The following FBLN1 variants were observed in gnomAD, a reference collection of about 807,000 sequenced individuals.
FBLN1 encodes the protein fibulin-1.
A neutral mutation model predicts 89.7 loss-of-function variants in FBLN1; 34 were observed. That is an observed-to-expected ratio of 0.38 (90% CI 0.29 to 0.50). The LOEUF (loss-of-function observed/expected upper bound fraction) is 0.50, where lower values mean the gene tolerates loss of function less well. FBLN1 is among the 20% of genes least tolerant of loss of function. The pLI, the probability that FBLN1 is intolerant of heterozygous loss-of-function variation, is 0.92. For synonymous variants in FBLN1, 393 were observed against 391.3 expected, an observed-to-expected ratio of 1.00 and a Z score of -0.05; for missense variants, 777 against 988.1, an observed-to-expected ratio of 0.79 and a Z score of 2.86.
intron 16 of FBLN1, among the ~76,000 whole-genome samples, chr22:45,589,961 G>C (rs1393300315): frequency 4.6e-5 from 7 of 152,198 alleles, no homozygotes; most frequent in Admixed American, 3.9e-4. Flanking sequence ...TTTCTCCGAA[G>C]CTCTCCCAAA....
intron 16 of FBLN1, among the ~76,000 whole-genome samples, chr22:45,593,715 G>A (rs1337175428): frequency 1.3e-5 from 2 of 152,194 alleles, no homozygotes; most frequent in Non-Finnish European, 2.9e-5. Flanking sequence ...GGAGCCTTCA[G>A]TGGCTCCCCT....
chr22:45,563,319 C>G lies in FBLN1; in HGVS notation c.1698-11192C>G. The G allele has an allele frequency of 6.2e-7, 1 of 1,611,426 alleles. No homozygotes were observed. The highest frequency in any genetic ancestry group is 8.5e-7 in the Non-Finnish European group (1 of 1,179,828). On this transcript the variant is annotated intron_variant, in intron 14 of 16. Coordinates refer to ENST00000327858, the MANE Select transcript of FBLN1 (RefSeq NM_006486.3). The surrounding 1 kb of genome is among the most constrained non-coding windows in gnomAD (Gnocchi z 5.7). ...CTCCTGTTGCTTTCCTAACCCTGCC[C>G]TCCGGGGCGTTAATAAAGTCTTAGC...
At chr22:45,555,105 G>A (rs8135295) in intron 14 of FBLN1, among the ~76,000 whole-genome samples, 64,336 of 124,746 alleles carry the variant, frequency 0.52, 17,880 homozygotes, top group Middle Eastern at 0.63. Flanking sequence ...GCAGGAGGTT[G>A]GGACCCGTCC....
Position 45,583,163 on chromosome 22 carries a change from C to A in FBLN1, c.1972+6055C>A, listed in dbSNP as rs1192126300. ...TGCTGGCCCAGGGTCCCACAGCCAGCAAGTTGGAGCTGCACTGCCCAAGCA... is the reference window on the plus strand; with the variant it reads ...TGCTGGCCCAGGGTCCCACAGCCAGAAAGTTGGAGCTGCACTGCCCAAGCA... On this transcript the variant is annotated intron_variant, in intron 16 of 16. Transcript: ENST00000327858. This position sits in a 1 kb window ranked among gnomAD's most constrained non-coding sequence, Gnocchi z 4.5. Among the ~76,000 whole-genome samples the A allele has an allele frequency of 6.6e-6, 1 of 152,202 alleles. No homozygotes were observed. Among genetic ancestry groups the A allele is most frequent in the Non-Finnish European group, 1.5e-5 (1 of 68,032 alleles).
intron 1 of FBLN1, among the ~76,000 whole-genome samples, chr22:45,517,897 A>G (rs1249308708): frequency 3.3e-5 from 5 of 152,260 alleles, no homozygotes; most frequent in African/African-American, 9.6e-5. Context: ...TTGGGAGGCC[A>G]TGGCTGGCCA....
chr22:45,562,478 G>A lies in FBLN1; in HGVS notation c.1697+11863G>A, dbSNP rs991254768. On this transcript the variant is annotated intron_variant, in intron 14 of 16. Coordinates refer to ENST00000327858, the MANE Select transcript of FBLN1 (RefSeq NM_006486.3). This position sits in a 1 kb window ranked among gnomAD's most constrained non-coding sequence, Gnocchi z 7.8. ...AGGAAGAGCTGAGCACTTGGTAAAC[G>A]GCAGCAGCTCTGATTGCTAGTGGCA... 1.3e-5 allele frequency among the ~76,000 whole-genome samples: 2 copies of A among 152,200 alleles called. No homozygotes were observed. Among genetic ancestry groups the A allele is most frequent in the African/African-American group, 4.8e-5 (2 of 41,452 alleles).
At chr22:45,571,133 A>AAAAG (rs1199488146) in intron 14 of FBLN1, among the ~76,000 whole-genome samples, 23 of 115,568 alleles carry the variant, frequency 2.0e-4, no homozygotes, top group African/African-American at 5.0e-4. Context: ...AAAAAAAAAA[A>AAAAG]AAAGAAAGAA....
At position 45,563,726 on chromosome 22, in the gene FBLN1, C is replaced by T. The variant is rs1016409925; in HGVS notation, c.1698-10785C>T. Among the ~76,000 whole-genome samples, 7 of 152,228 alleles carry T rather than the reference C, an allele frequency of 4.6e-5. No individual in the cohort carries two copies. The highest frequency in any genetic ancestry group is 1.7e-4 in the African/African-American group (7 of 41,472). ...GGGTTGGCCAGGGTCGTCTGGCCTGCTGTGGCCATGCCAGGTCAAGGAAGC... is the reference window on the plus strand; with the variant it reads ...GGGTTGGCCAGGGTCGTCTGGCCTGTTGTGGCCATGCCAGGTCAAGGAAGC... On this transcript the variant is annotated intron_variant, in intron 14 of 16. Transcript: ENST00000327858. The surrounding 1 kb of genome is among the most constrained non-coding windows in gnomAD (Gnocchi z 5.7).
chr22:45,543,644 T>A (rs771043632), intron 11 of FBLN1, 118 bp downstream of exon 11: 90 of 1,336,950 alleles, frequency 6.7e-5, no homozygotes, highest in Non-Finnish European at 9.2e-5. Context: ...AATGACATGT[T>A]AGCAGGGGAA....
chr22:45,529,875 TAATAA>T (rs957898097), intron 4 of FBLN1, among the ~76,000 whole-genome samples: 2 of 151,494 alleles, frequency 1.3e-5, no homozygotes, highest in African/African-American at 4.9e-5. Context: ...TCAAAAAAAA[TAATAA>T]AATAAATAAA....
Position 45,541,313 on chromosome 22 carries a change from A to G in FBLN1, c.1007A>G (p.Lys336Arg). 6.2e-7 allele frequency: 1 copy of G among 1,614,276 alleles called. No homozygotes were observed. The highest frequency in any genetic ancestry group is 1.1e-5 in the South Asian group (1 of 91,090). The change falls in exon 9 of 17, where the codon AAG becomes AGG. Residue 336 changes from lysine (K) to arginine (R), a missense_variant. Lys to Arg is a conservative substitution (Grantham distance 26). Coordinates refer to ENST00000327858, the MANE Select transcript of FBLN1 (RefSeq NM_006486.3). ...INTEGSYTCQ[K>R]NVPNCGRGYH... ...ACAGAGGGCTCCTACACGTGCCAGAAGAACGTGCCCAACTGTGGCCGTGGC... is the reference window on the plus strand; with the variant it reads ...ACAGAGGGCTCCTACACGTGCCAGAGGAACGTGCCCAACTGTGGCCGTGGC...
intron 14 of FBLN1, chr22:45,565,281 G>C: frequency 7.6e-7 from 1 of 1,319,548 alleles, no homozygotes; most frequent in Non-Finnish European, 9.9e-7. Flanking sequence ...AGCCTCCTTG[G>C]AATGGCATGG....
At chr22:45,593,503 A>G (rs1163491803) in intron 16 of FBLN1, among the ~76,000 whole-genome samples, 1 of 152,250 alleles carries the variant, frequency 6.6e-6, no homozygotes, top group African/African-American at 2.4e-5. Flanking sequence ...GACCTGAAGC[A>G]GAAATGCCAG....
At position 45,550,279 on chromosome 22, in the gene FBLN1, C is replaced by T. The variant is rs937135948; in HGVS notation, c.1574-213C>T. Among the ~76,000 whole-genome samples the T allele has an allele frequency of 7.9e-5, 12 of 152,168 alleles. No homozygotes were observed. The highest frequency in any genetic ancestry group is 1.6e-4 in the Non-Finnish European group (11 of 68,036). Reference sequence around the variant, plus strand: ...ATCGTCACGCTCCCTCCAGGGATTGCGAATGATAAGTTAACACTCTATAAA... The same window carrying T: ...ATCGTCACGCTCCCTCCAGGGATTGTGAATGATAAGTTAACACTCTATAAA... On this transcript the variant is annotated intron_variant, in intron 13 of 16. Coordinates refer to ENST00000327858, the MANE Select transcript of FBLN1 (RefSeq NM_006486.3). The surrounding 1 kb of genome is among the most constrained non-coding windows in gnomAD (Gnocchi z 8.4).
chr22:45,548,517 C>G (rs952012451), intron 12 of FBLN1, 96 bp from the exon 13 acceptor site: 1 of 1,547,194 alleles, frequency 6.5e-7, no homozygotes, highest in Non-Finnish European at 8.8e-7. Flanking sequence ...TGCTGCCCTC[C>G]CGGGCCCCAG....
At chr22:45,548,579 G>A (rs1367589756) in intron 12 of FBLN1, 34 bp from the exon 13 acceptor site, 3 of 1,612,682 alleles carry the variant, frequency 1.9e-6, no homozygotes, top group Non-Finnish European at 2.5e-6. Context: ...CAGGTGCCAG[G>A]ACACTGAGGC....
chr22:45,598,877 T>C (rs1294972073), intron 16 of FBLN1, among the ~76,000 whole-genome samples: 1 of 152,206 alleles, frequency 6.6e-6, no homozygotes. Flanking sequence ...CGTTTGTTGC[T>C]GGGGAACCTA....
chr22:45,555,272 A>AATATATATATATATAT (rs10648791), intron 14 of FBLN1, among the ~76,000 whole-genome samples: 1 of 44,546 alleles, frequency 2.2e-5, no homozygotes, highest in African/African-American at 4.2e-5. Flanking sequence ...TATAAAATGG[A>AATATATATATATATAT]ATATATATAT....
chr22:45,589,341 C>T (rs1260483730), intron 16 of FBLN1, among the ~76,000 whole-genome samples: 1 of 152,022 alleles, frequency 6.6e-6, no homozygotes, highest in African/African-American at 2.4e-5. Context: ...CAGAGTTCTA[C>T]TCTTTGAGGC....
Sources: allele counts gnomAD v4.1 joint callset (sites outside exome capture counted in the v4.1 genomes callset), GRCh38; gene constraint gnomAD v4.1.1; non-coding constraint Gnocchi (gnomAD v3.1); transcripts MANE v1.5; gene names NCBI Gene and HGNC (gene_info 2026-07-23, HGNC 2026-07-21).